UVRAG: variants seen among roughly 807,000 people sequenced by gnomAD.
The protein encoded by UVRAG is UV radiation resistance-associated gene protein.
UVRAG carries 19 observed loss-of-function variants against 78.0 expected under a neutral mutation model. The observed-to-expected ratio is 0.24, with a 90% CI of 0.17 to 0.36. The LOEUF is 0.36. Among genes scored for constraint, UVRAG ranks in the 10% least tolerant of loss-of-function variants. UVRAG has a pLI of 1.00. For synonymous variants in UVRAG, 323 were observed against 324.6 expected (o/e 1.00, Z 0.05); for missense variants, 740 against 853.8 (o/e 0.87, Z 1.66).
At chr11:76,110,859 CTTTTA>C (rs960653330) in intron 13 of UVRAG, among the ~76,000 whole-genome samples, 2 of 151,966 alleles carry the variant, frequency 1.3e-5, no homozygotes. Context: ...ATATATGAGA[CTTTTA>C]TTTGTTTGTT....
rs1946731683 is a variant in UVRAG, at chr11:75,874,854, C to G, written c.271-5025C>G. ...AACGTGGCTTCATTATAGCACTTTC[C>G]TCTCTACCACTCTGCCTGTCAGCTC... On this transcript the variant is annotated intron_variant, in intron 3 of 14. Transcript: ENST00000356136. Among the ~76,000 whole-genome samples the G allele has an allele frequency of 3.3e-5, 5 of 152,312 alleles. No homozygotes were observed. The South Asian group carries it at 1.0e-3, about 32-fold the overall frequency.
At position 76,143,951 on chromosome 11, in the gene UVRAG, G is replaced by A. The variant is rs532721879; in HGVS notation, c.*2538G>A. Among the ~76,000 whole-genome samples the A allele has an allele frequency of 3.5e-4, 54 of 152,336 alleles. No individual in the cohort carries two copies. Among genetic ancestry groups the A allele is most frequent in the Middle Eastern group, 3.4e-3 (1 of 294 alleles). ...AGACACTTTTAAACAGCGGGCAAATGTTATCAAATGAATATTTGATTGTGT... is the reference window on the plus strand; with the variant it reads ...AGACACTTTTAAACAGCGGGCAAATATTATCAAATGAATATTTGATTGTGT... On this transcript the variant is annotated 3_prime_UTR_variant, in exon 15 of 15. Transcript: ENST00000356136.
chr11:75,840,914 GTTTTTTGT>G (rs1417580920), intron 1 of UVRAG, among the ~76,000 whole-genome samples: 1 of 152,052 alleles, frequency 6.6e-6, no homozygotes, highest in Non-Finnish European at 1.5e-5. Flanking sequence ...GCTCCTTTCT[GTTTTTTGT>G]TTTTTTGTTT....
intron 9 of UVRAG, among the ~76,000 whole-genome samples, chr11:76,005,554 T>C (rs1416626719): frequency 1.3e-5 from 2 of 152,178 alleles, no homozygotes; most frequent in Non-Finnish European, 2.9e-5. Context: ...AATACAACAC[T>C]TTTAACATTA....
Position 75,961,470 on chromosome 11 carries a change from A to G in UVRAG, c.620A>G (p.Lys207Arg), listed in dbSNP as rs1356922216. The G allele has an allele frequency of 2.4e-5, 38 of 1,602,056 alleles. No homozygotes were observed. The highest frequency in any genetic ancestry group is 3.1e-5 in the Non-Finnish European group (37 of 1,177,424). Residue 207 changes from lysine (K) to arginine (R), a missense_variant, in exon 7 of 15, where the codon AAA becomes AGA. Coordinates refer to ENST00000356136, the MANE Select transcript of UVRAG (RefSeq NM_003369.4). ...LRLHRAQCAIKQTQVTVQKIG... is the reference protein window; with the variant it reads ...LRLHRAQCAIRQTQVTVQKIG... ...CTTCATAGAGCCCAGTGTGCAATTA[A>G]ACAGACTCAGGTAACTGTTCAGAAA...
At chr11:75,919,575 G>T (rs1203598317) in intron 6 of UVRAG, among the ~76,000 whole-genome samples, 6 of 152,164 alleles carry the variant, frequency 3.9e-5, no homozygotes, top group Non-Finnish European at 7.4e-5. Flanking sequence ...AAACAGCCCT[G>T]TCTCACTACT....
In UVRAG at chr11:75,869,282, T is replaced by A. The variant is rs146928003; in HGVS notation, c.270+7502T>A. 2.6e-5 allele frequency among the ~76,000 whole-genome samples: 4 copies of A among 152,306 alleles called. No individual in the cohort carries two copies. The East Asian group carries it at 5.8e-4, about 22-fold the overall frequency. ...TAGAGCATGCATTTTAGGGAAAGCA[T>A]GTGGCATAATTTATCAGAACTATAA... On this transcript the variant is annotated intron_variant, in intron 3 of 14. Coordinates refer to ENST00000356136, the MANE Select transcript of UVRAG (RefSeq NM_003369.4).
At chr11:76,132,765 T>A (rs1169352817) in intron 14 of UVRAG, among the ~76,000 whole-genome samples, 2 of 152,132 alleles carry the variant, frequency 1.3e-5, no homozygotes, top group Non-Finnish European at 2.9e-5. Flanking sequence ...ACAAACTTAA[T>A]GTAGGCAGGA....
chr11:75,889,654 G>A (rs549237402), intron 5 of UVRAG, among the ~76,000 whole-genome samples: 1 of 152,314 alleles, frequency 6.6e-6, no homozygotes, highest in South Asian at 2.1e-4. Context: ...CTGAAATGCT[G>A]TTGCTTAGAG....
intron 6 of UVRAG, among the ~76,000 whole-genome samples, chr11:75,948,543 G>A (rs555452955): frequency 2.6e-5 from 4 of 152,148 alleles, no homozygotes; most frequent in South Asian, 2.1e-4. Context: ...ATCATGGAGC[G>A]GATTTATTTG....
At chr11:75,847,877 T>G (rs1276320386) in intron 1 of UVRAG, among the ~76,000 whole-genome samples, 1 of 149,532 alleles carries the variant, frequency 6.7e-6, no homozygotes, top group Admixed American at 6.7e-5. Context: ...AGGCTGAGGC[T>G]GGGGAAATGC....
intron 14 of UVRAG, among the ~76,000 whole-genome samples, chr11:76,118,305 C>T (rs1333834420): frequency 2.0e-5 from 3 of 151,960 alleles, no homozygotes; most frequent in African/African-American, 7.3e-5. Flanking sequence ...TAGTTTGTTT[C>T]GATTCTCTTG....
chr11:75,897,828 A>G (rs1237147744), intron 5 of UVRAG, among the ~76,000 whole-genome samples: 1 of 136,354 alleles, frequency 7.3e-6, no homozygotes, highest in Non-Finnish European at 1.5e-5. Context: ...GCTATAATTT[A>G]TTTATCTCTA....
intron 6 of UVRAG, among the ~76,000 whole-genome samples, chr11:75,927,518 G>A (rs1044233239): frequency 2.0e-5 from 3 of 152,288 alleles, no homozygotes; most frequent in South Asian, 2.1e-4. Context: ...TTCATGGAGC[G>A]TACATTTTAA....
chr11:75,854,439 G>A (rs1946238383), intron 2 of UVRAG, among the ~76,000 whole-genome samples: 2 of 151,810 alleles, frequency 1.3e-5, no homozygotes, highest in South Asian at 4.2e-4. Context: ...TTTTTGAGAT[G>A]GAGTCTCAGT....
intron 6 of UVRAG, among the ~76,000 whole-genome samples, chr11:75,951,843 A>G (rs1948709538): frequency 1.3e-5 from 2 of 152,164 alleles, no homozygotes; most frequent in African/African-American, 2.4e-5. Flanking sequence ...GTATTTGCAT[A>G]TCAATTTTAA....
intron 6 of UVRAG, among the ~76,000 whole-genome samples, chr11:75,934,205 G>C (rs543071596): frequency 1.5e-4 from 23 of 152,296 alleles, no homozygotes; most frequent in African/African-American, 5.3e-4. Context: ...GGATGGAACT[G>C]GAGGTCATAA....
At chr11:75,935,496 A>G (rs567620799) in intron 6 of UVRAG, among the ~76,000 whole-genome samples, 5 of 152,110 alleles carry the variant, frequency 3.3e-5, no homozygotes, top group African/African-American at 1.2e-4. Context: ...TCTCTCTGCT[A>G]TATCAGTGGA....
At chr11:76,122,243 T>C (rs771626793) in intron 14 of UVRAG, among the ~76,000 whole-genome samples, 6 of 152,170 alleles carry the variant, frequency 3.9e-5, no homozygotes, top group Non-Finnish European at 8.8e-5. Context: ...ACTAAGGAGA[T>C]AACATTTCAG....
Sources: gnomAD v4.1 joint callset for allele counts (sites outside exome capture counted in the v4.1 genomes callset) on GRCh38, gnomAD v4.1.1 for gene constraint, MANE v1.5 for transcripts, NCBI Gene and HGNC (gene_info 2026-07-23, HGNC 2026-07-21) for gene names.